The following MYO5A variants were observed in gnomAD, a reference collection of about 807,000 sequenced individuals.
The protein encoded by MYO5A is myosin VA.
A neutral mutation model predicts 249.7 loss-of-function variants in MYO5A; 98 were observed. That is an observed-to-expected ratio of 0.39 (90% CI 0.33 to 0.46). The LOEUF (loss-of-function observed/expected upper bound fraction) is 0.46, where lower values mean the gene tolerates loss of function less well. Ranked by LOEUF, MYO5A falls within the 20% of genes least tolerant of loss-of-function variation. The probability of loss-of-function intolerance (pLI) is 0.98; values close to 1 mark genes in which losing one functional copy is unlikely to be tolerated. For missense variants in MYO5A, 1,696 were observed against 2,308.8 expected, an observed-to-expected ratio of 0.73 and a Z score of 5.44; for synonymous variants, 778 against 810.6, an observed-to-expected ratio of 0.96 and a Z score of 0.68.
intron 37 of MYO5A, among the ~76,000 whole-genome samples, chr15:52,322,618 T>C (rs2038384082): frequency 6.6e-6 from 1 of 152,240 alleles, no homozygotes; most frequent in African/African-American, 2.4e-5. Flanking sequence ...GTCTGACACA[T>C]ACTAAAGCAG....
chr15:52,453,087 C>T (rs1316716294), intron 1 of MYO5A, among the ~76,000 whole-genome samples: 1 of 151,574 alleles, frequency 6.6e-6, no homozygotes, highest in African/African-American at 2.4e-5. Flanking sequence ...CATAGAATAC[C>T]ACATACATTT....
At chr15:52,478,846 A>T (rs2076655085) in intron 1 of MYO5A, among the ~76,000 whole-genome samples, 1 of 152,216 alleles carries the variant, frequency 6.6e-6, no homozygotes, top group Non-Finnish European at 1.5e-5. Context: ...CAACAGCAAC[A>T]CAACATGGCT....
At chr15:52,471,678 C>T (rs1242444400) in intron 1 of MYO5A, among the ~76,000 whole-genome samples, 2 of 151,946 alleles carry the variant, frequency 1.3e-5, no homozygotes, top group African/African-American at 4.8e-5. Context: ...TATCCTTTCT[C>T]CTCAATGATT....
intron 34 of MYO5A, among the ~76,000 whole-genome samples, chr15:52,335,516 C>CAAAAAAAAAAAAAAAAAAAAAAAAAAA: frequency 1.6e-5 from 1 of 64,054 alleles, no homozygotes; most frequent in Non-Finnish European, 3.3e-5. Flanking sequence ...ACTCTGTCTC[C>CAAAAAAAAAAAAAAAAAAAAAAAAAAA]AAAAAAAAAA....
chr15:52,512,389 T>C (rs1014363219), intron 1 of MYO5A, among the ~76,000 whole-genome samples: 2 of 152,058 alleles, frequency 1.3e-5, no homozygotes, highest in African/African-American at 2.4e-5. Flanking sequence ...ATATGACTGA[T>C]TAATGCAATA....
chr15:52,311,417 T>C lies in MYO5A; in HGVS notation c.*2279A>G, dbSNP rs1596256084. On this transcript the variant is annotated 3_prime_UTR_variant, in exon 42 of 42. Transcript: ENST00000399233. ...CAAATGGCTATGACTTAATTGTGCATTGAAAACCGCATTGACAACCAGGAA... is the reference window on the plus strand; with the variant it reads ...CAAATGGCTATGACTTAATTGTGCACTGAAAACCGCATTGACAACCAGGAA... 1 of 152,292 alleles carries C rather than the reference T, an allele frequency of 6.6e-6. No individual in the cohort carries two copies. The highest frequency in any genetic ancestry group is 2.1e-4 in the South Asian group (1 of 4,826). The allele number at this position is 152,292 out of a possible 1,614,324, so 9.4% of individuals were successfully genotyped here.
At chr15:52,467,360 A>G (rs143091483) in intron 1 of MYO5A, among the ~76,000 whole-genome samples, 2 of 152,348 alleles carry the variant, frequency 1.3e-5, no homozygotes, top group African/African-American at 4.8e-5. Flanking sequence ...CTGGGTCTGA[A>G]AAATTATTGA....
intron 21 of MYO5A, among the ~76,000 whole-genome samples, chr15:52,370,909 T>G (rs530764357): frequency 6.6e-6 from 1 of 152,096 alleles, no homozygotes; most frequent in East Asian, 1.9e-4. Flanking sequence ...GGCCAGGAGT[T>G]CAAGACTAGC....
At chr15:52,496,343 C>T (rs1176566521) in intron 1 of MYO5A, among the ~76,000 whole-genome samples, 1 of 152,154 alleles carries the variant, frequency 6.6e-6, no homozygotes, top group African/African-American at 2.4e-5. Flanking sequence ...ATGCCCACTG[C>T]ATAGCTCCTG....
chr15:52,332,291 A>C (rs1288524389), intron 34 of MYO5A, among the ~76,000 whole-genome samples: 2 of 152,240 alleles, frequency 1.3e-5, no homozygotes, highest in African/African-American at 4.8e-5. Flanking sequence ...ATCGGTTATG[A>C]AATACAGTAT....
intron 1 of MYO5A, among the ~76,000 whole-genome samples, chr15:52,451,310 C>G (rs1289745843): frequency 1.3e-5 from 2 of 152,084 alleles, no homozygotes; most frequent in African/African-American, 2.4e-5. Flanking sequence ...TTTTGTCCCC[C>G]TCTCTCCATC....
At chr15:52,465,054 CT>C (rs2076325890) in intron 1 of MYO5A, among the ~76,000 whole-genome samples, 1 of 152,156 alleles carries the variant, frequency 6.6e-6, no homozygotes, top group African/African-American at 2.4e-5. Flanking sequence ...CTGGTATTAC[CT>C]CATTAATGAT....
chr15:52,390,240 A>G (rs1325792484), intron 12 of MYO5A, among the ~76,000 whole-genome samples: 1 of 152,178 alleles, frequency 6.6e-6, no homozygotes, highest in East Asian at 1.9e-4. Context: ...TAATTTAATT[A>G]TACATTTAAG....
intron 6 of MYO5A, among the ~76,000 whole-genome samples, chr15:52,409,113 G>A (rs1239869940): frequency 6.6e-6 from 1 of 152,014 alleles, no homozygotes; most frequent in Non-Finnish European, 1.5e-5. Flanking sequence ...ACTGGAGACT[G>A]GGAAACTGCT....
intron 1 of MYO5A, among the ~76,000 whole-genome samples, chr15:52,483,305 T>A (rs2076752069): frequency 6.6e-6 from 1 of 152,220 alleles, no homozygotes; most frequent in Non-Finnish European, 1.5e-5. Context: ...GGGCCTCCCC[T>A]TGTCCAATCA....
At chr15:52,471,181 C>G (rs1392805963) in intron 1 of MYO5A, among the ~76,000 whole-genome samples, 1 of 152,208 alleles carries the variant, frequency 6.6e-6, no homozygotes, top group Non-Finnish European at 1.5e-5. Flanking sequence ...AACTTGACTG[C>G]ATTTGCACAA....
chr15:52,416,045 G>C, intron 5 of MYO5A, 100 bp downstream of exon 5: 1 of 1,367,016 alleles, frequency 7.3e-7, no homozygotes, highest in South Asian at 1.2e-5. Context: ...TTAGTGGCTG[G>C]AGACCCCAGG....
chr15:52,461,135 C>T (rs985613155), intron 1 of MYO5A, among the ~76,000 whole-genome samples: 2 of 151,914 alleles, frequency 1.3e-5, no homozygotes. Flanking sequence ...GTATTTTTTG[C>T]GGAGACTAGG....
At chr15:52,468,950 A>G (rs915649789) in intron 1 of MYO5A, among the ~76,000 whole-genome samples, 1 of 152,174 alleles carries the variant, frequency 6.6e-6, no homozygotes, top group East Asian at 1.9e-4. Flanking sequence ...AGTAAGTACT[A>G]TTTTTACAAT....
Sources: allele counts gnomAD v4.1 joint callset (sites outside exome capture counted in the v4.1 genomes callset), GRCh38; gene constraint gnomAD v4.1.1; transcripts MANE v1.5; gene names NCBI Gene and HGNC (gene_info 2026-07-23, HGNC 2026-07-21).